IL20RA: variants seen among roughly 807,000 people sequenced by gnomAD.
IL20RA encodes the protein interleukin 20 receptor subunit alpha.
Under a neutral mutation model 36.5 loss-of-function variants are expected in IL20RA, and 29 were observed. The observed-to-expected ratio is 0.79, with a 90% CI of 0.59 to 1.08. IL20RA has a LOEUF of 1.08. IL20RA is among the 50% of genes least tolerant of loss of function. IL20RA has a pLI of 0.00. For missense variants in IL20RA, 652 were observed against 668.4 expected, an observed-to-expected ratio of 0.98 and a Z score of 0.27; for synonymous variants, 279 against 267.1, an observed-to-expected ratio of 1.04 and a Z score of -0.43.
chr6:137,035,762 G>A (rs1475793341), intron 1 of IL20RA, among the ~76,000 whole-genome samples: 1 of 152,216 alleles, frequency 6.6e-6, no homozygotes, highest in Non-Finnish European at 1.5e-5. Flanking sequence ...TGGGCTGCAT[G>A]TGATATTCTA....
chr6:137,027,128 C>T (rs567541115), intron 1 of IL20RA, among the ~76,000 whole-genome samples: 1 of 152,146 alleles, frequency 6.6e-6, no homozygotes, highest in Admixed American at 6.5e-5. Context: ...GTGGTCCACC[C>T]GCCTTGGCCT....
intron 1 of IL20RA, among the ~76,000 whole-genome samples, chr6:137,033,542 C>T (rs1776372583): frequency 6.6e-6 from 1 of 152,162 alleles, no homozygotes; most frequent in South Asian, 2.1e-4. Context: ...CTCACAAGAT[C>T]TGGTTGTTTA....
intron 1 of IL20RA, among the ~76,000 whole-genome samples, chr6:137,029,071 T>G (rs1278008738): frequency 6.6e-6 from 1 of 152,184 alleles, no homozygotes; most frequent in African/African-American, 2.4e-5. Context: ...CTTATGAAAT[T>G]CATTGTTGTG....
At position 137,000,574 on chromosome 6, in the gene IL20RA, T is replaced by C. The variant is rs1774998053; in HGVS notation, c.*984A>G. The C allele has an allele frequency of 6.6e-6, 1 of 152,224 alleles. No homozygotes were observed. Among genetic ancestry groups the C allele is most frequent in the South Asian group, 2.1e-4 (1 of 4,830 alleles). The allele number at this position is 152,224 out of a possible 1,614,324, so 9.4% of individuals were successfully genotyped here. ...AAATTTTAATAAACTCTCCCTTACATAGTCATTTAACTCATTTCTCTTGTA... is the reference window on the plus strand; with the variant it reads ...AAATTTTAATAAACTCTCCCTTACACAGTCATTTAACTCATTTCTCTTGTA... On this transcript the variant is annotated 3_prime_UTR_variant, in exon 7 of 7. Transcript: ENST00000316649.
chr6:137,008,818 G>A (rs1252924102), intron 4 of IL20RA, 75 bp from the exon 5 acceptor site: 37 of 941,192 alleles, frequency 3.9e-5, no homozygotes, highest in Non-Finnish European at 5.4e-5. Context: ...ACTGTAGAAG[G>A]AAATAGAAGA....
At chr6:137,037,213 T>C (rs1487899845) in intron 1 of IL20RA, among the ~76,000 whole-genome samples, 1 of 152,202 alleles carries the variant, frequency 6.6e-6, no homozygotes, top group East Asian at 1.9e-4. Flanking sequence ...GTGTTGTGGG[T>C]AGAGCTGGCA....
chr6:137,042,075 A>T (rs1582845371), intron 1 of IL20RA, among the ~76,000 whole-genome samples: 1 of 152,156 alleles, frequency 6.6e-6, no homozygotes, highest in African/African-American at 2.4e-5. Flanking sequence ...CATTGGCAGG[A>T]GAGGCCAAAG....
intron 1 of IL20RA, among the ~76,000 whole-genome samples, chr6:137,019,281 C>G (rs952242957): frequency 4.6e-5 from 7 of 152,138 alleles, no homozygotes; most frequent in African/African-American, 1.7e-4. Flanking sequence ...CACTCACCAC[C>G]ATGCCTGGCT....
rs1222429841 is a variant in IL20RA, at chr6:137,001,819, C to A, written c.1401G>T (p.Ser467=). ...ATGGCTCTTCCTCCGGCCCCTCCTCCGAGTCTGTGTGCTCCTGCGCCAGGG... is the reference window on the plus strand; with the variant it reads ...ATGGCTCTTCCTCCGGCCCCTCCTCAGAGTCTGTGTGCTCCTGCGCCAGGG... ...LDPLAQEHTD[S]EEGPEEEPST... is the part of the protein sequence containing the mutation. Residue 467 remains serine, a synonymous_variant, in exon 7 of 7, where the codon TCG becomes TCT. Coordinates refer to ENST00000316649, the MANE Select transcript of IL20RA (RefSeq NM_014432.4). 6.2e-7 allele frequency: 1 copy of A among 1,613,314 alleles called. No homozygotes were observed. The highest frequency in any genetic ancestry group is 1.3e-5 in the African/African-American group (1 of 74,882).
intron 1 of IL20RA, among the ~76,000 whole-genome samples, chr6:137,024,831 G>T (rs970735116): frequency 6.6e-6 from 1 of 152,118 alleles, no homozygotes; most frequent in Non-Finnish European, 1.5e-5. Flanking sequence ...CCACTAAAGT[G>T]AGCAATCCTG....
chr6:137,041,467 TC>T (rs1776689560), intron 1 of IL20RA, among the ~76,000 whole-genome samples: 1 of 152,160 alleles, frequency 6.6e-6, no homozygotes, highest in Admixed American at 6.5e-5. Context: ...TCTCTGCAAG[TC>T]CCAAATTAGT....
intron 1 of IL20RA, among the ~76,000 whole-genome samples, chr6:137,033,746 T>A (rs991221393): frequency 2.0e-5 from 3 of 152,206 alleles, no homozygotes; most frequent in African/African-American, 7.2e-5. Context: ...TCTTTATAAA[T>A]TTCCCGGTCA....
chr6:137,017,663 C>A (rs1775750658), intron 1 of IL20RA, among the ~76,000 whole-genome samples: 2 of 151,702 alleles, frequency 1.3e-5, no homozygotes, highest in South Asian at 2.1e-4. Flanking sequence ...GTAGGTGACC[C>A]CGAGAGGCCA....
rs1059232 is a variant in IL20RA at position 137,000,265 on chromosome 6, G to C, written c.*1293C>G. 39,318 of 152,060 alleles carry C rather than the reference G, an allele frequency of 0.26. 5,329 individuals are homozygous for C. Among genetic ancestry groups the C allele is most frequent in the Middle Eastern group, 0.35 (102 of 294 alleles). 9.4% of individuals were successfully genotyped at this position (152,060 alleles called of 1,614,324 possible). A position where few individuals can be genotyped will look rare whatever the true frequency, so the allele number is the denominator to read the frequency against. On this transcript the variant is annotated 3_prime_UTR_variant, in exon 7 of 7. Transcript: ENST00000316649. ...ATAATATCAATAAGGAAATATGGGT[G>C]ATATCTCTTCTCATGAAAGAGCATC...
chr6:137,032,406 T>C (rs1288376779), intron 1 of IL20RA, among the ~76,000 whole-genome samples: 2 of 152,170 alleles, frequency 1.3e-5, no homozygotes, highest in Non-Finnish European at 2.9e-5. Flanking sequence ...GGAACCCTAC[T>C]CCTTCATAGA....
At chr6:137,026,887 CT>C (rs1169180765) in intron 1 of IL20RA, among the ~76,000 whole-genome samples, 45 of 146,658 alleles carry the variant, frequency 3.1e-4, no homozygotes, top group Middle Eastern at 3.5e-3. Context: ...AGTAAGTCTT[CT>C]TTTTTTTTTT....
At chr6:137,026,651 T>C (rs1167848) in intron 1 of IL20RA, among the ~76,000 whole-genome samples, 2,325 of 152,254 alleles carry the variant, frequency 0.015, 30 homozygotes, top group Non-Finnish European at 0.024. Flanking sequence ...CAGGGGATGA[T>C]TGACTAATTT....
intron 1 of IL20RA, among the ~76,000 whole-genome samples, chr6:137,025,009 T>C (rs1225667193): frequency 6.6e-6 from 1 of 152,182 alleles, no homozygotes; most frequent in Non-Finnish European, 1.5e-5. Context: ...CTTCACAAAG[T>C]TGTGAGGAGT....
chr6:137,008,865 C>CT (rs3041890), intron 4 of IL20RA, 122 bp from the exon 5 acceptor site: 10,121 of 141,606 alleles, frequency 0.071, 318 homozygotes, highest in South Asian at 0.15. Context: ...TCAGTATAAG[C>CT]TTTTTTTTTT....
Sources: gnomAD v4.1 joint callset for allele counts (sites outside exome capture counted in the v4.1 genomes callset) on GRCh38, gnomAD v4.1.1 for gene constraint, MANE v1.5 for transcripts, NCBI Gene and HGNC (gene_info 2026-07-23, HGNC 2026-07-21) for gene names.